Variants in MAML2 observed in about 807,000 individuals in gnomAD.
MAML2 encodes the protein mastermind-like protein 2.
MAML2 carries 22 observed loss-of-function variants against 96.1 expected under a neutral mutation model. The observed-to-expected ratio is 0.23, with a 90% CI of 0.16 to 0.33. MAML2 has a LOEUF of 0.33. Ranked by LOEUF, MAML2 falls within the 10% of genes least tolerant of loss-of-function variation. The pLI is 1.00. For synonymous variants in MAML2, 561 were observed against 521.3 expected (o/e 1.08, Z -1.04); for missense variants, 1,367 against 1,392.4 (o/e 0.98, Z 0.29).
At chr11:96,275,872 C>T (rs1313877478) in intron 1 of MAML2, among the ~76,000 whole-genome samples, 2 of 152,200 alleles carry the variant, frequency 1.3e-5, no homozygotes, top group Non-Finnish European at 2.9e-5. Flanking sequence ...ATGTCGTTAG[C>T]TCTTCACTAT....
At chr11:96,233,942 A>T (rs1486252674) in intron 1 of MAML2, among the ~76,000 whole-genome samples, 1 of 152,124 alleles carries the variant, frequency 6.6e-6, no homozygotes, top group Non-Finnish European at 1.5e-5. Flanking sequence ...GGGCCTCCAA[A>T]ATTAGAAATC....
chr11:96,119,317 G>A (rs1860296532), intron 1 of MAML2, among the ~76,000 whole-genome samples: 1 of 152,162 alleles, frequency 6.6e-6, no homozygotes. Context: ...TCCTTACAAG[G>A]AAGGAGGCAG....
rs1026387201 is a variant in MAML2 at position 96,287,193 on chromosome 11, C to G, written c.513+54190G>C. 3.9e-5 allele frequency among the ~76,000 whole-genome samples: 6 copies of G among 152,182 alleles called. No homozygotes were observed. The East Asian group carries it at 1.2e-3, about 29-fold the overall frequency. ...ACCTGTTATTATAAGAGCATTACAT[C>G]ATGGGAGAAAGTGAAAAGCAATAGC... On this transcript the variant is annotated intron_variant, in intron 1 of 4. Coordinates refer to ENST00000524717, the MANE Select transcript of MAML2 (RefSeq NM_032427.4).
chr11:96,153,973 G>A (rs150137963), intron 1 of MAML2, among the ~76,000 whole-genome samples: 2,078 of 151,782 alleles, frequency 0.014, 22 homozygotes, highest in Middle Eastern at 0.054. Flanking sequence ...AAATAGTAAC[G>A]ATGTCACTGG....
intron 1 of MAML2, among the ~76,000 whole-genome samples, chr11:96,195,180 C>T (rs903311877): frequency 6.6e-6 from 1 of 152,136 alleles, no homozygotes; most frequent in Non-Finnish European, 1.5e-5. Context: ...ACTGAATATT[C>T]ATGCATTCAA....
At chr11:96,275,338 C>T (rs1257936396) in intron 1 of MAML2, among the ~76,000 whole-genome samples, 1 of 129,588 alleles carries the variant, frequency 7.7e-6, no homozygotes, top group African/African-American at 3.1e-5. Flanking sequence ...AGTGCAGTGG[C>T]GTGATCTCTG....
intron 2 of MAML2, among the ~76,000 whole-genome samples, chr11:96,044,018 G>A (rs1193386066): frequency 6.6e-6 from 1 of 152,250 alleles, no homozygotes; most frequent in Non-Finnish European, 1.5e-5. Flanking sequence ...GGAGACAAAG[G>A]CAGGTGTGGA....
Position 96,077,333 on chromosome 11 carries a change from G to T in MAML2, c.2139+14559C>A, listed in dbSNP as rs1048353021. Among the ~76,000 whole-genome samples the T allele has an allele frequency of 5.5e-5, 8 of 144,158 alleles. No homozygotes were observed. The South Asian group carries it at 1.6e-3, about 28-fold the overall frequency. The allele number at this position is 144,158 out of a possible 152,430, so 94.6% of individuals were successfully genotyped here. A position where few individuals can be genotyped will look rare whatever the true frequency, so the allele number is the denominator to read the frequency against. The stretch of plus-strand genomic sequence containing the variant: ...CCTTCTGGGTTCAAGTGATTTTCCT[G>T]CCCCAGCCTCCCAAGCAGTTGGGAC... On this transcript the variant is annotated intron_variant, in intron 2 of 4. Coordinates refer to ENST00000524717, the MANE Select transcript of MAML2 (RefSeq NM_032427.4).
chr11:96,262,834 A>G (rs910077126), intron 1 of MAML2, among the ~76,000 whole-genome samples: 2 of 152,192 alleles, frequency 1.3e-5, no homozygotes, highest in East Asian at 3.8e-4. Flanking sequence ...GGCAAGTGCC[A>G]TATTTGCCTG....
chr11:96,184,621 A>G (rs3016491), intron 1 of MAML2, among the ~76,000 whole-genome samples: 28,680 of 135,694 alleles, frequency 0.21, 3,382 homozygotes, highest in African/African-American at 0.33. Context: ...GATGAGTCTC[A>G]CTCTGTTTCC....
chr11:96,153,836 G>A (rs1161717643), intron 1 of MAML2, among the ~76,000 whole-genome samples: 1 of 152,028 alleles, frequency 6.6e-6, no homozygotes, highest in Non-Finnish European at 1.5e-5. Flanking sequence ...ACTTGAACCT[G>A]GGAGGCAGAG....
intron 1 of MAML2, among the ~76,000 whole-genome samples, chr11:96,099,938 G>T (rs954810721): frequency 6.6e-6 from 1 of 152,108 alleles, no homozygotes; most frequent in African/African-American, 2.4e-5. Flanking sequence ...CACCATACTT[G>T]CCCATTGATT....
At chr11:96,030,724 C>A (rs1383424545) in intron 2 of MAML2, among the ~76,000 whole-genome samples, 1 of 152,296 alleles carries the variant, frequency 6.6e-6, no homozygotes, top group African/African-American at 2.4e-5. Context: ...TGACCATTGA[C>A]CTGACAGAGA....
chr11:96,161,734 A>G (rs1861106693), intron 1 of MAML2, among the ~76,000 whole-genome samples: 1 of 152,186 alleles, frequency 6.6e-6, no homozygotes, highest in African/African-American at 2.4e-5. Context: ...ATGCGACTCC[A>G]CCGTTTGCAC....
At chr11:96,015,966 G>A (rs1044604007) in intron 2 of MAML2, among the ~76,000 whole-genome samples, 1 of 151,940 alleles carries the variant, frequency 6.6e-6, no homozygotes, top group Non-Finnish European at 1.5e-5. Context: ...TTCAGGAGAG[G>A]TATGTATTAG....
chr11:96,290,908 T>C lies in MAML2; in HGVS notation c.513+50475A>G, dbSNP rs914253987. ...TTGGCTGTTGGGTTTTTCTGTTTCATTTTATTTTGATTTTAGAATGTTTCT... is the reference window on the plus strand; with the variant it reads ...TTGGCTGTTGGGTTTTTCTGTTTCACTTTATTTTGATTTTAGAATGTTTCT... On this transcript the variant is annotated intron_variant, in intron 1 of 4. Coordinates refer to ENST00000524717, the MANE Select transcript of MAML2 (RefSeq NM_032427.4). Among the ~76,000 whole-genome samples, 7 of 152,170 alleles carry C rather than the reference T, an allele frequency of 4.6e-5. No individual in the cohort carries two copies. The East Asian group carries it at 1.3e-3, about 29-fold the overall frequency.
intron 1 of MAML2, among the ~76,000 whole-genome samples, chr11:96,108,325 C>T (rs760204210): frequency 6.6e-6 from 1 of 152,220 alleles, no homozygotes; most frequent in Non-Finnish European, 1.5e-5. Context: ...CTGTCTCCAT[C>T]TTTAATAGTC....
intron 1 of MAML2, among the ~76,000 whole-genome samples, chr11:96,279,541 G>A (rs1056429611): frequency 1.3e-5 from 2 of 152,234 alleles, no homozygotes; most frequent in Non-Finnish European, 2.9e-5. Flanking sequence ...GAAGGAGAAA[G>A]AGGGTGACTA....
At chr11:96,182,469 T>C (rs919469401) in intron 1 of MAML2, among the ~76,000 whole-genome samples, 5 of 152,158 alleles carry the variant, frequency 3.3e-5, no homozygotes, top group Non-Finnish European at 7.3e-5. Context: ...TCCCTCATCA[T>C]AGAATTAAAC....
Sources: allele counts gnomAD v4.1 joint callset (sites outside exome capture counted in the v4.1 genomes callset), GRCh38; gene constraint gnomAD v4.1.1; transcripts MANE v1.5; gene names NCBI Gene and HGNC (gene_info 2026-07-23, HGNC 2026-07-21).